CD2AP: variants seen among roughly 807,000 people sequenced by gnomAD.
CD2AP encodes CD2 associated protein, also known as CD2-associated protein.
CD2AP carries 46 observed loss-of-function variants against 85.1 expected under a neutral mutation model. The observed-to-expected ratio is 0.54, with a 90% CI of 0.43 to 0.69. The LOEUF (loss-of-function observed/expected upper bound fraction) is 0.69. Among genes scored for constraint, CD2AP ranks in the 30% least tolerant of loss-of-function variants. The probability of loss-of-function intolerance (pLI) is 0.00; values close to 1 mark genes in which losing one functional copy is unlikely to be tolerated. For synonymous variants in CD2AP, 255 were observed against 252.9 expected, an observed-to-expected ratio of 1.01 and a Z score of -0.08; for missense variants, 769 against 729.5, an observed-to-expected ratio of 1.05 and a Z score of -0.62.
intron 11 of CD2AP, 111 bp downstream of exon 11, chr6:47,582,176 G>A (rs1768498877): frequency 2.7e-6 from 2 of 739,790 alleles, no homozygotes; most frequent in Non-Finnish European, 4.9e-6. Context: ...CAGGTATTCA[G>A]TATGTATTTA....
intron 17 of CD2AP, among the ~76,000 whole-genome samples, chr6:47,614,078 C>T (rs1466286940): frequency 6.6e-6 from 1 of 152,208 alleles, no homozygotes; most frequent in African/African-American, 2.4e-5. Context: ...GGAAATGTTA[C>T]AGTTGGTTAG....
chr6:47,590,051 CTA>C (rs1768749577), intron 11 of CD2AP, among the ~76,000 whole-genome samples: 2 of 152,006 alleles, frequency 1.3e-5, no homozygotes, highest in South Asian at 2.1e-4. Flanking sequence ...TAAATTATCT[CTA>C]TGTTTTCCTG....
chr6:47,602,322 T>A (rs573065890), intron 13 of CD2AP, among the ~76,000 whole-genome samples: 1 of 152,142 alleles, frequency 6.6e-6, no homozygotes, highest in African/African-American at 2.4e-5. Context: ...AGAACCATGC[T>A]TACAATTTTT....
At chr6:47,500,163 T>C (rs1159973377) in intron 1 of CD2AP, among the ~76,000 whole-genome samples, 1 of 152,222 alleles carries the variant, frequency 6.6e-6, no homozygotes, top group African/African-American at 2.4e-5. Flanking sequence ...TCCTAAGCTA[T>C]TTTTTATTTT....
chr6:47,614,957 C>T (rs1582627883), intron 17 of CD2AP, among the ~76,000 whole-genome samples: 2 of 152,132 alleles, frequency 1.3e-5, no homozygotes, highest in East Asian at 3.8e-4. Context: ...TCTTAGCTTT[C>T]TTTTTCTCCT....
chr6:47,561,775 T>C (rs1198281663), intron 5 of CD2AP, among the ~76,000 whole-genome samples: 2 of 152,182 alleles, frequency 1.3e-5, no homozygotes, highest in Non-Finnish European at 2.9e-5. Context: ...GCTTTACATT[T>C]ATTTATTTAT....
intron 3 of CD2AP, among the ~76,000 whole-genome samples, chr6:47,539,423 A>C (rs1194196271): frequency 6.6e-6 from 1 of 152,244 alleles, no homozygotes; most frequent in Non-Finnish European, 1.5e-5. Flanking sequence ...TGGCAGACCC[A>C]CAGAAATAAG....
chr6:47,593,623 T>C (rs998630812), intron 11 of CD2AP, among the ~76,000 whole-genome samples: 4 of 151,910 alleles, frequency 2.6e-5, no homozygotes, highest in African/African-American at 9.7e-5. Context: ...CCCACTGAGA[T>C]GGTTAAAAAT....
intron 3 of CD2AP, among the ~76,000 whole-genome samples, chr6:47,538,936 TTTTG>T (rs536904465): frequency 1.3e-5 from 2 of 152,266 alleles, no homozygotes; most frequent in South Asian, 4.1e-4. Flanking sequence ...CACAATTTGG[TTTTG>T]TTTTTTTAAA....
rs141862005 is a variant in CD2AP at position 47,556,848 on chromosome 6, G to A, written c.541+2082G>A. Among the ~76,000 whole-genome samples, 1,196 of 152,208 alleles carry A rather than the reference G, an allele frequency of 7.9e-3. 13 individuals are homozygous for A. The highest frequency in any genetic ancestry group is 0.027 in the African/African-American group (1,124 of 41,528). ...CCTTTGGGTGTATACCCAGTAATAGGATTGCTGGGTCAAATGGTATTTCTA... is the reference window on the plus strand; with the variant it reads ...CCTTTGGGTGTATACCCAGTAATAGAATTGCTGGGTCAAATGGTATTTCTA... On this transcript the variant is annotated intron_variant, in intron 5 of 17. Coordinates refer to ENST00000359314, the MANE Select transcript of CD2AP (RefSeq NM_012120.3).
Position 47,477,978 on chromosome 6 carries a change from G to T in CD2AP, c.-267G>T. 1.8e-6 allele frequency: 1 copy of T among 561,740 alleles called. No homozygotes were observed. Among genetic ancestry groups the T allele is most frequent in the African/African-American group, 2.0e-5 (1 of 50,664 alleles). The allele number at this position is 561,740 out of a possible 1,614,324, so 34.8% of individuals were successfully genotyped here. A position where few individuals can be genotyped will look rare whatever the true frequency, so the allele number is the denominator to read the frequency against. On this transcript the variant is annotated 5_prime_UTR_variant, in exon 1 of 18. Transcript: ENST00000359314. ...GGAAAACCGCGGTCGGGCGGGCGGGGTAGGGCCCTCCCGCCGCCGTGGCTC... is the reference window on the plus strand; with the variant it reads ...GGAAAACCGCGGTCGGGCGGGCGGGTTAGGGCCCTCCCGCCGCCGTGGCTC...
At chr6:47,573,645 T>C (rs2046464) in intron 5 of CD2AP, among the ~76,000 whole-genome samples, 91,524 of 151,532 alleles carry the variant, frequency 0.6, 28,451 homozygotes, top group Middle Eastern at 0.74. Context: ...CCTGCCACCA[T>C]GCCCGGCTAA....
At position 47,558,895 on chromosome 6, in the gene CD2AP, A is replaced by G. The variant is rs144064183; in HGVS notation, c.541+4129A>G. ...GTTGTTTGGAATAGTTTCAGAAGGA[A>G]TGGTACCAGCTCCTCTTTGTACCTC... On this transcript the variant is annotated intron_variant, in intron 5 of 17. Coordinates refer to ENST00000359314, the MANE Select transcript of CD2AP (RefSeq NM_012120.3). Among the ~76,000 whole-genome samples the G allele has an allele frequency of 3.1e-3, 469 of 152,246 alleles. 2 individuals are homozygous for G. The highest frequency in any genetic ancestry group is 0.011 in the African/African-American group (454 of 41,548).
chr6:47,609,413 G>T, intron 16 of CD2AP, 109 bp downstream of exon 16: 1 of 897,754 alleles, frequency 1.1e-6, no homozygotes, highest in South Asian at 1.4e-5. Flanking sequence ...GTGGTAGTTC[G>T]CGCCTGTAAT....
intron 17 of CD2AP, among the ~76,000 whole-genome samples, chr6:47,616,739 T>TA (rs1458904309): frequency 6.6e-6 from 1 of 152,228 alleles, no homozygotes; most frequent in East Asian, 1.9e-4. Flanking sequence ...GCCATCCTCT[T>TA]AAAAAAAGTC....
chr6:47,594,519 T>C (rs914316624), intron 11 of CD2AP, among the ~76,000 whole-genome samples: 1 of 152,180 alleles, frequency 6.6e-6, no homozygotes, highest in African/African-American at 2.4e-5. Flanking sequence ...TTCTCTTTAA[T>C]TTATATCCTT....
At chr6:47,546,993 C>T (rs1054949536) in intron 4 of CD2AP, among the ~76,000 whole-genome samples, 1 of 152,154 alleles carries the variant, frequency 6.6e-6, no homozygotes, top group Non-Finnish European at 1.5e-5. Context: ...TTCACTACTA[C>T]GAAGCCAGTA....
intron 8 of CD2AP, among the ~76,000 whole-genome samples, chr6:47,577,445 T>G (rs1477128468): frequency 6.6e-6 from 1 of 152,180 alleles, no homozygotes; most frequent in Non-Finnish European, 1.5e-5. Flanking sequence ...TTTTTTCTCC[T>G]GTCTGTCGTT....
At chr6:47,478,334 G>A in intron 1 of CD2AP, 86 bp downstream of exon 1, 7 of 1,486,308 alleles carry the variant, frequency 4.7e-6, no homozygotes, top group Non-Finnish European at 6.4e-6. Flanking sequence ...CTGGGGAGGC[G>A]ACTGCGGTCA....
Sources: allele counts gnomAD v4.1 joint callset (sites outside exome capture counted in the v4.1 genomes callset), GRCh38; gene constraint gnomAD v4.1.1; transcripts MANE v1.5; gene names NCBI Gene and HGNC (gene_info 2026-07-23, HGNC 2026-07-21).